The following IMMP2L variants were observed in gnomAD, a reference collection of about 807,000 sequenced individuals.
The protein encoded by IMMP2L is inner mitochondrial membrane peptidase subunit 2.
A neutral mutation model predicts 19.3 loss-of-function variants in IMMP2L; 18 were observed. The ratio of observed to expected loss-of-function variants is 0.93; its 90% CI spans 0.64 to 1.38. IMMP2L has a LOEUF of 1.38. Among genes scored for constraint, IMMP2L ranks in the 40% most tolerant of loss-of-function variants. The probability of loss-of-function intolerance (pLI) is 0.00; values close to 1 mark genes in which losing one functional copy is unlikely to be tolerated. For missense variants in IMMP2L, 233 were observed against 218.2 expected (o/e 1.07, Z -0.43); for synonymous variants, 76 against 73.0 (o/e 1.04, Z -0.21).
At chr7:111,110,388 C>T (rs1799062852) in intron 3 of IMMP2L, among the ~76,000 whole-genome samples, 1 of 152,076 alleles carries the variant, frequency 6.6e-6, no homozygotes, top group Non-Finnish European at 1.5e-5. Context: ...TTTAGAATAG[C>T]TTTTATTCAC....
At position 111,525,400 on chromosome 7, in the gene IMMP2L, G is replaced by A. The variant is rs373248816; in HGVS notation, c.-2-3951C>T. On this transcript the variant is annotated intron_variant, in intron 1 of 5. Coordinates refer to ENST00000405709, the MANE Select transcript of IMMP2L (RefSeq NM_032549.4). ...GAGCAGTTAAGACCTCACAGGCCCC[G>A]TAAGGATTTGCAGCAAATGAGAAGT... is the stretch of plus-strand genomic sequence containing the variant. 2.2e-4 allele frequency among the ~76,000 whole-genome samples: 33 copies of A among 152,200 alleles called. No individual in the cohort carries two copies. The South Asian group carries it at 3.7e-3, about 17-fold the overall frequency.
chr7:111,211,731 C>T (rs557796635), intron 3 of IMMP2L, among the ~76,000 whole-genome samples: 3 of 152,248 alleles, frequency 2.0e-5, no homozygotes, highest in African/African-American at 7.2e-5. Flanking sequence ...AAATCCTGGC[C>T]GGGAGCAGTG....
At chr7:110,736,230 G>T (rs904727495) in intron 5 of IMMP2L, among the ~76,000 whole-genome samples, 8 of 152,154 alleles carry the variant, frequency 5.3e-5, no homozygotes, top group Admixed American at 3.3e-4. Context: ...AAAGCCTCAG[G>T]GTCCAGGCAC....
chr7:111,332,712 C>G (rs1010716975), intron 3 of IMMP2L, among the ~76,000 whole-genome samples: 5 of 151,942 alleles, frequency 3.3e-5, no homozygotes, highest in African/African-American at 1.2e-4. Context: ...TAAAAATAAA[C>G]TTTTCTCTCA....
At chr7:110,685,133 A>C (rs570723629) in intron 5 of IMMP2L, among the ~76,000 whole-genome samples, 29 of 152,126 alleles carry the variant, frequency 1.9e-4, no homozygotes, top group African/African-American at 6.5e-4. Context: ...TCATAAAAAA[A>C]TCCTGATAGT....
chr7:111,077,277 T>C lies in IMMP2L; in HGVS notation c.240-113712A>G, dbSNP rs1007126922. ...GTTTGGTTGGTTTTTTTGTTTTACA[T>C]GGTTAAGCAACAGATAAAAGCATTT... is the stretch of plus-strand genomic sequence containing the variant. On this transcript the variant is annotated intron_variant, in intron 3 of 5. Coordinates refer to ENST00000405709, the MANE Select transcript of IMMP2L (RefSeq NM_032549.4). 2.6e-5 allele frequency among the ~76,000 whole-genome samples: 4 copies of C among 152,326 alleles called. No homozygotes were observed. The East Asian group carries it at 5.8e-4, about 22-fold the overall frequency.
intron 5 of IMMP2L, among the ~76,000 whole-genome samples, chr7:110,666,827 C>T (rs1447699162): frequency 6.6e-6 from 1 of 152,172 alleles, no homozygotes; most frequent in African/African-American, 2.4e-5. Flanking sequence ...ACAACCATTA[C>T]CAACAATAAA....
intron 3 of IMMP2L, among the ~76,000 whole-genome samples, chr7:110,983,868 C>A (rs1006032050): frequency 6.6e-6 from 1 of 151,922 alleles, no homozygotes; most frequent in Non-Finnish European, 1.5e-5. Flanking sequence ...AGTTTTTAAG[C>A]TCTGTAGATT....
At chr7:110,715,812 G>T (rs1372505530) in intron 5 of IMMP2L, among the ~76,000 whole-genome samples, 1 of 152,184 alleles carries the variant, frequency 6.6e-6, no homozygotes, top group African/African-American at 2.4e-5. Context: ...TTCTTGGTTA[G>T]TTTTCTAACC....
chr7:110,951,538 GGTGT>G lies in IMMP2L; in HGVS notation c.305+11958_305+11961del, dbSNP rs10598353. On this transcript the variant is annotated intron_variant, in intron 4 of 5. Transcript: ENST00000405709. The stretch of plus-strand genomic sequence containing the variant: ...ACAAAGTATTGCTGCATGTATATAT[GGTGT>G]GTGTGTGTGTGTGTGTGTGTATGTG... 4.0e-3 allele frequency among the ~76,000 whole-genome samples: 598 copies of G among 149,548 alleles called. 13 individuals carry two copies. The East Asian group carries it at 0.055, about 14-fold the overall frequency.
At chr7:110,926,879 A>G (rs906720256) in intron 4 of IMMP2L, among the ~76,000 whole-genome samples, 3 of 152,132 alleles carry the variant, frequency 2.0e-5, no homozygotes, top group Non-Finnish European at 2.9e-5. Context: ...GTTATCCCCA[A>G]GAAAAGCTGT....
At chr7:111,396,009 C>T (rs1461120595) in intron 3 of IMMP2L, among the ~76,000 whole-genome samples, 6 of 152,086 alleles carry the variant, frequency 3.9e-5, no homozygotes, top group Non-Finnish European at 8.8e-5. Context: ...TGTGGAGAAA[C>T]AGGAATACTT....
intron 3 of IMMP2L, among the ~76,000 whole-genome samples, chr7:111,446,638 A>C (rs1435113163): frequency 6.6e-6 from 1 of 152,188 alleles, no homozygotes; most frequent in Non-Finnish European, 1.5e-5. Context: ...GAAACTCTAA[A>C]ACACAGAGCG....
At chr7:110,695,658 G>A (rs1012731331) in intron 5 of IMMP2L, among the ~76,000 whole-genome samples, 2 of 152,184 alleles carry the variant, frequency 1.3e-5, no homozygotes, top group Admixed American at 1.3e-4. Context: ...GGCAGTCCCT[G>A]ATAGAAAAGG....
chr7:111,063,034 G>A lies in IMMP2L; in HGVS notation c.240-99469C>T, dbSNP rs543480061. On this transcript the variant is annotated intron_variant, in intron 3 of 5. Coordinates refer to ENST00000405709, the MANE Select transcript of IMMP2L (RefSeq NM_032549.4). ...CTCCACTAGGCAGTGCCCCAGTAGG[G>A]ACTCTGTGGGGACTCCCACCTCACA... 1.8e-3 allele frequency among the ~76,000 whole-genome samples: 274 copies of A among 152,338 alleles called. 1 individual carries two copies. The highest frequency in any genetic ancestry group is 5.4e-3 in the African/African-American group (225 of 41,584).
intron 3 of IMMP2L, among the ~76,000 whole-genome samples, chr7:111,445,597 A>C (rs1272499984): frequency 2.0e-5 from 3 of 152,178 alleles, no homozygotes; most frequent in East Asian, 3.9e-4. Context: ...GCATTCTCAA[A>C]TATATTCTAA....
intron 3 of IMMP2L, among the ~76,000 whole-genome samples, chr7:111,023,824 T>C (rs1826544265): frequency 6.6e-6 from 1 of 152,202 alleles, no homozygotes; most frequent in Non-Finnish European, 1.5e-5. Context: ...TATGAAACCA[T>C]TTAGAATCAC....
At chr7:110,970,347 C>A (rs1195076582) in intron 3 of IMMP2L, among the ~76,000 whole-genome samples, 1 of 151,994 alleles carries the variant, frequency 6.6e-6, no homozygotes, top group Non-Finnish European at 1.5e-5. Context: ...TTACAATTTA[C>A]CTCACCATCT....
intron 3 of IMMP2L, among the ~76,000 whole-genome samples, chr7:111,407,445 C>T (rs1486486027): frequency 6.6e-6 from 1 of 151,786 alleles, no homozygotes; most frequent in Non-Finnish European, 1.5e-5. Context: ...AAATGAGGTG[C>T]ATCTAAACAA....
Sources: gnomAD v4.1 joint callset for allele counts (sites outside exome capture counted in the v4.1 genomes callset) on GRCh38, gnomAD v4.1.1 for gene constraint, MANE v1.5 for transcripts, NCBI Gene and HGNC (gene_info 2026-07-23, HGNC 2026-07-21) for gene names.